Variants in GANC observed in about 807,000 individuals in gnomAD.
GANC encodes glucosidase alpha, neutral C.
A neutral mutation model predicts 124.2 loss-of-function variants in GANC; 117 were observed. That is an observed-to-expected ratio of 0.94 (90% CI 0.81 to 1.10). The LOEUF (loss-of-function observed/expected upper bound fraction) is 1.10. Ranked by LOEUF, GANC falls within the 50% of genes least tolerant of loss-of-function variation. GANC has a pLI of 0.00. For missense variants in GANC, 1,140 were observed against 1,095.0 expected (o/e 1.04, Z -0.58); for synonymous variants, 377 against 376.8 (o/e 1.00, Z -0.01).
Position 42,276,388 on chromosome 15 carries a change from T to G in GANC, c.70T>G (p.Cys24Gly), listed in dbSNP as rs924755663. Residue 24 changes from cysteine to glycine, a missense_variant, in exon 2 of 24, where the codon TGT (cysteine) becomes GGT (glycine). Coordinates refer to ENST00000318010, the MANE Select transcript of GANC (RefSeq NM_198141.3). Reference protein sequence around the residue: ...EAVDKNIFRDCNKIAFYRRQK... With the variant: ...EAVDKNIFRDGNKIAFYRRQK... ...TGTAGATAAAAACATTTTCAGAGACTGTAACAAGATCGCATTTTACAGGTA... is the reference window on the plus strand; with the variant it reads ...TGTAGATAAAAACATTTTCAGAGACGGTAACAAGATCGCATTTTACAGGTA... 3 of 1,437,220 alleles carry G rather than the reference T, an allele frequency of 2.1e-6. No homozygotes were observed. The African/African-American group carries it at 4.2e-5, about 20-fold the overall frequency. The allele number at this position is 1,437,220 out of a possible 1,614,324, so 89.0% of individuals were successfully genotyped here. A position where few individuals can be genotyped will look rare whatever the true frequency, so the allele number is the denominator to read the frequency against.
intron 3 of GANC, among the ~76,000 whole-genome samples, chr15:42,286,417 CAT>C (rs1191478006): frequency 2.0e-5 from 3 of 152,112 alleles, no homozygotes; most frequent in African/African-American, 4.8e-5. Flanking sequence ...AATGGAAACA[CAT>C]GTTTAAATAG....
In GANC at chr15:42,293,528, C is replaced by CTTTTTTTTTTTTTTTTTTTTTTT. The variant is rs1566951280; in HGVS notation, c.512+612_512+613insTTTTTTTTTTTTTTTTTTTTTTT. 9.2e-4 allele frequency among the ~76,000 whole-genome samples: 140 copies of CTTTTTTTTTTTTTTTTTTTTTTT among 151,868 alleles called. 1 individual carries two copies. Among genetic ancestry groups the CTTTTTTTTTTTTTTTTTTTTTTT allele is most frequent in the African/African-American group, 3.4e-3 (139 of 41,172 alleles). ...CATTTTTCTGAGTTTCAACTCATTT[C>CTTTTTTTTTTTTTTTTTTTTTTT]TGTTTTAAAATTTTGATACTAAAAA... On this transcript the variant is annotated intron_variant, in intron 5 of 23. Transcript: ENST00000318010.
chr15:42,311,765 C>G (rs1326592877), intron 10 of GANC, among the ~76,000 whole-genome samples: 1 of 152,086 alleles, frequency 6.6e-6, no homozygotes, highest in Non-Finnish European at 1.5e-5. Flanking sequence ...TCATCTCCCA[C>G]CAGGCTCCTC....
At chr15:42,344,507 C>G (rs923679730) in intron 19 of GANC, among the ~76,000 whole-genome samples, 2 of 152,172 alleles carry the variant, frequency 1.3e-5, no homozygotes, top group Non-Finnish European at 2.9e-5. Flanking sequence ...CTTAATCAAA[C>G]CTGTGACCAT....
At chr15:42,327,830 T>A (rs2141062319) in intron 13 of GANC, among the ~76,000 whole-genome samples, 1 of 152,334 alleles carries the variant, frequency 6.6e-6, no homozygotes, top group Middle Eastern at 3.4e-3. Context: ...AAGTATGATT[T>A]TTAAATAATC....
intron 6 of GANC, among the ~76,000 whole-genome samples, chr15:42,303,230 C>G (rs2051963325): frequency 6.6e-6 from 1 of 152,168 alleles, no homozygotes; most frequent in South Asian, 2.1e-4. Context: ...AATTTTCAAT[C>G]CAGAATTTCA....
chr15:42,274,586 T>G, intron 1 of GANC, 76 bp downstream of exon 1: 1 of 1,385,058 alleles, frequency 7.2e-7, no homozygotes, highest in Non-Finnish European at 9.9e-7. Flanking sequence ...ATTGCATTTC[T>G]TATTTGCGTA....
intron 13 of GANC, among the ~76,000 whole-genome samples, chr15:42,328,698 TTCAG>T (rs1291125450): frequency 6.6e-6 from 1 of 152,180 alleles, no homozygotes; most frequent in East Asian, 1.9e-4. Context: ...TTTTTAGCTA[TTCAG>T]TCAAACGCCA....
At chr15:42,309,422 C>G (rs367714199) in intron 8 of GANC, among the ~76,000 whole-genome samples, 1 of 151,598 alleles carries the variant, frequency 6.6e-6, no homozygotes, top group African/African-American at 2.4e-5. Flanking sequence ...CAGGTTCAAG[C>G]GATTCTCCTG....
intron 18 of GANC, among the ~76,000 whole-genome samples, chr15:42,342,113 C>A (rs2052332600): frequency 6.6e-6 from 1 of 152,096 alleles, no homozygotes; most frequent in South Asian, 2.1e-4. Flanking sequence ...TCCGTAAGGT[C>A]AGGAGCCACG....
Position 42,273,737 on chromosome 15 carries a change from C to T in GANC, c.-745C>T, listed in dbSNP as rs1304905169. On this transcript the variant is annotated 5_prime_UTR_variant, in exon 1 of 24. Transcript: ENST00000318010. ...GATTTGGCTCTCTACTTCCGCTCGC[C>T]CCAGCCCTTCATCCCTTCTAAGTCA... 1 of 298,678 alleles carries T rather than the reference C, an allele frequency of 3.3e-6. No homozygotes were observed. The highest frequency in any genetic ancestry group is 6.5e-6 in the Non-Finnish European group (1 of 152,698). The allele number at this position is 298,678 out of a possible 1,614,324, so 18.5% of individuals were successfully genotyped here. A position where few individuals can be genotyped will look rare whatever the true frequency, so the allele number is the denominator to read the frequency against.
At chr15:42,308,641 G>T (rs1007076876) in intron 8 of GANC, among the ~76,000 whole-genome samples, 6 of 152,128 alleles carry the variant, frequency 3.9e-5, no homozygotes, top group African/African-American at 1.4e-4. Flanking sequence ...CTGTCACCAC[G>T]CCTGGCTAAT....
intron 5 of GANC, among the ~76,000 whole-genome samples, chr15:42,294,343 G>T (rs57002846): frequency 1.3e-5 from 2 of 150,940 alleles, no homozygotes; most frequent in Non-Finnish European, 2.9e-5. Flanking sequence ...GGAGGCCGAG[G>T]CAGGTGGATC....
chr15:42,286,513 G>A (rs2051790526), intron 3 of GANC, among the ~76,000 whole-genome samples: 1 of 152,144 alleles, frequency 6.6e-6, no homozygotes, highest in Admixed American at 6.5e-5. Flanking sequence ...TACGCTAAAA[G>A]TAGTTTAAAT....
At chr15:42,310,171 C>G in intron 8 of GANC, 112 bp from the exon 9 acceptor site, 1 of 754,466 alleles carries the variant, frequency 1.3e-6, no homozygotes, top group Non-Finnish European at 2.0e-6. Context: ...AAGAGTTGAG[C>G]CTCCAAAGAT....
chr15:42,348,047 A>G, intron 20 of GANC, 56 bp from the exon 21 acceptor site: 1 of 969,892 alleles, frequency 1.0e-6, no homozygotes. Context: ...TTTAAATTCT[A>G]CCTTGAAATT....
intron 3 of GANC, among the ~76,000 whole-genome samples, chr15:42,282,772 C>G (rs2051746428): frequency 6.6e-6 from 1 of 152,212 alleles, no homozygotes; most frequent in South Asian, 2.1e-4. Flanking sequence ...CCAAATATCA[C>G]AGGCTAGGCA....
At chr15:42,339,382 TTCAGTGTCTGGGTTA>T (rs2052311314) in intron 16 of GANC, among the ~76,000 whole-genome samples, 1 of 149,982 alleles carries the variant, frequency 6.7e-6, no homozygotes, top group Non-Finnish European at 1.5e-5. Context: ...GCAGACATTT[TTCAGTGTCTGGGTTA>T]TCTGGTTTGG....
intron 11 of GANC, among the ~76,000 whole-genome samples, chr15:42,323,901 G>A (rs1203347583): frequency 2.0e-5 from 3 of 149,620 alleles, no homozygotes; most frequent in African/African-American, 4.8e-5. Context: ...GAGCATTAGG[G>A]GTGTTCGGAA....
Sources: gnomAD v4.1 joint callset for allele counts (sites outside exome capture counted in the v4.1 genomes callset) on GRCh38, gnomAD v4.1.1 for gene constraint, MANE v1.5 for transcripts, NCBI Gene and HGNC (gene_info 2026-07-23, HGNC 2026-07-21) for gene names.